The following SDK1 variants were observed in gnomAD, a reference collection of about 807,000 sequenced individuals.
SDK1 encodes protein sidekick-1.
SDK1 carries 157 observed loss-of-function variants against 245.5 expected under a neutral mutation model. The observed-to-expected ratio is 0.64, with a 90% CI of 0.56 to 0.73. The LOEUF is 0.73. SDK1 is among the 30% of genes least tolerant of loss of function. SDK1 has a pLI of 0.00. For synonymous variants in SDK1, 1,647 were observed against 1,278.5 expected (o/e 1.29, Z -6.15); for missense variants, 3,583 against 3,002.3 (o/e 1.19, Z -4.52).
chr7:3,443,358 G>A (rs764053194), intron 1 of SDK1, among the ~76,000 whole-genome samples: 2 of 152,130 alleles, frequency 1.3e-5, no homozygotes, highest in African/African-American at 4.8e-5. Flanking sequence ...CTTGCAAACC[G>A]TTTATGTCAA....
chr7:3,794,007 G>A (rs550080706), intron 4 of SDK1, among the ~76,000 whole-genome samples: 2 of 152,172 alleles, frequency 1.3e-5, no homozygotes, highest in Admixed American at 6.5e-5. Context: ...CCTAGTAGTC[G>A]GCTGCCCTCA....
At chr7:3,886,932 G>A (rs56711933) in intron 5 of SDK1, among the ~76,000 whole-genome samples, 1,748 of 152,252 alleles carry the variant, frequency 0.011, 27 homozygotes, top group African/African-American at 0.04. Context: ...CTTGGCTCTT[G>A]AAGTGCCAAG....
At chr7:3,368,575 C>T (rs1441699664) in intron 1 of SDK1, among the ~76,000 whole-genome samples, 1 of 152,148 alleles carries the variant, frequency 6.6e-6, no homozygotes, top group African/African-American at 2.4e-5. Flanking sequence ...AAAGGTGTAA[C>T]CTGTGAGGAC....
intron 35 of SDK1, among the ~76,000 whole-genome samples, chr7:4,204,619 G>A (rs1327980782): frequency 1.3e-5 from 2 of 152,152 alleles, no homozygotes; most frequent in African/African-American, 2.4e-5. Flanking sequence ...CATCTCCCTC[G>A]GACAGCGACT....
At position 3,824,755 on chromosome 7, in the gene SDK1, A is replaced by G. The variant is rs185065046; in HGVS notation, c.847+3172A>G. ...ACACCTGAAGCTTATGGGAAGCAAA[A>G]GATAGATAGGTTTTAGATTTAAATT... is the stretch of plus-strand genomic sequence containing the variant. On this transcript the variant is annotated intron_variant, in intron 5 of 44. Coordinates refer to ENST00000404826, the MANE Select transcript of SDK1 (RefSeq NM_152744.4). 4.8e-3 allele frequency among the ~76,000 whole-genome samples: 724 copies of G among 152,288 alleles called. 6 individuals are homozygous for G. The highest frequency in any genetic ancestry group is 0.016 in the African/African-American group (675 of 41,560).
chr7:3,672,081 C>T (rs1283814635), intron 4 of SDK1, among the ~76,000 whole-genome samples: 6 of 152,098 alleles, frequency 3.9e-5, no homozygotes, highest in Non-Finnish European at 8.8e-5. Flanking sequence ...GACACAGGGT[C>T]TCCTGAGGTC....
chr7:3,622,878 A>G (rs1339398213), intron 2 of SDK1, among the ~76,000 whole-genome samples: 1 of 152,168 alleles, frequency 6.6e-6, no homozygotes, highest in African/African-American at 2.4e-5. Flanking sequence ...ATGGGTTATC[A>G]GGAATCTATC....
chr7:4,153,137 C>T (rs1239538098), intron 30 of SDK1, among the ~76,000 whole-genome samples: 1 of 151,758 alleles, frequency 6.6e-6, no homozygotes, highest in Non-Finnish European at 1.5e-5. Flanking sequence ...TGCGGGGGTT[C>T]CAAACAGAAG....
At chr7:3,403,824 CATATATAT>C (rs10650660) in intron 1 of SDK1, among the ~76,000 whole-genome samples, 2,013 of 60,560 alleles carry the variant, frequency 0.033, 30 homozygotes, top group Non-Finnish European at 0.049. Flanking sequence ...AAATATCTTA[CATATATAT>C]ATATATATAT....
intron 4 of SDK1, among the ~76,000 whole-genome samples, chr7:3,817,191 G>A (rs756756110): frequency 2.0e-5 from 3 of 152,116 alleles, no homozygotes; most frequent in Non-Finnish European, 2.9e-5. Context: ...CAAGTTTTGG[G>A]AGCTCATCAT....
chr7:4,224,703 G>A (rs780695859), intron 40 of SDK1, among the ~76,000 whole-genome samples: 7 of 152,006 alleles, frequency 4.6e-5, no homozygotes, highest in East Asian at 1.9e-4. Context: ...CCATGGTGCC[G>A]AGAGCAGATT....
intron 1 of SDK1, among the ~76,000 whole-genome samples, chr7:3,560,815 C>T (rs570926757): frequency 3.3e-5 from 5 of 152,286 alleles, no homozygotes; most frequent in Admixed American, 2.6e-4. Flanking sequence ...CTTTCCTGTT[C>T]CTCCAACCTG....
chr7:4,266,872 CA>C lies in SDK1; in HGVS notation c.*1489del, dbSNP rs1044621714. On this transcript the variant is annotated 3_prime_UTR_variant, in exon 45 of 45. Transcript: ENST00000404826. ...TCAAGACCACCCTGTCAGTGCCCCC[CA>C]GTGCACGGCAAACGGGCAGGTGCCG... 17 of 985,518 alleles carry C rather than the reference CA, an allele frequency of 1.7e-5. No individual in the cohort carries two copies. Among genetic ancestry groups the C allele is most frequent in the Middle Eastern group, 5.2e-4 (1 of 1,916 alleles). 61.0% of individuals were successfully genotyped at this position (985,518 alleles called of 1,614,324 possible). A position where few individuals can be genotyped will look rare whatever the true frequency, so the allele number is the denominator to read the frequency against.
intron 4 of SDK1, among the ~76,000 whole-genome samples, chr7:3,771,653 T>C (rs1043467163): frequency 3.9e-5 from 6 of 152,180 alleles, no homozygotes; most frequent in African/African-American, 1.2e-4. Flanking sequence ...GAAATTGTTA[T>C]TTTTTTCCAG....
intron 1 of SDK1, among the ~76,000 whole-genome samples, chr7:3,448,674 T>C (rs547317096): frequency 2.6e-5 from 4 of 152,300 alleles, no homozygotes; most frequent in African/African-American, 9.6e-5. Flanking sequence ...TTTGTAGATA[T>C]CTAGCCACTT....
chr7:4,030,354 T>G (rs1305924951), intron 17 of SDK1, among the ~76,000 whole-genome samples: 1 of 152,240 alleles, frequency 6.6e-6, no homozygotes, highest in East Asian at 1.9e-4. Flanking sequence ...GGGCAGAAGT[T>G]GCTCAAAGAA....
rs375144205 is a variant in SDK1 at position 3,967,307 on chromosome 7, C to A, written c.1430-11C>A. 5 of 1,601,998 alleles carry A rather than the reference C, an allele frequency of 3.1e-6. 1 individual carries two copies. The South Asian group carries it at 5.5e-5, about 18-fold the overall frequency. On this transcript the variant is annotated splice_polypyrimidine_tract_variant and intron_variant, in intron 9 of 44. Coordinates refer to ENST00000404826, the MANE Select transcript of SDK1 (RefSeq NM_152744.4). The stretch of plus-strand genomic sequence containing the variant: ...CAAGGCCCTGATCATTTCATTTACT[C>A]CTCTTCTCAGATATCGCTCCAGTGT...
chr7:3,916,355 A>C (rs552494308), intron 5 of SDK1, among the ~76,000 whole-genome samples: 3 of 152,366 alleles, frequency 2.0e-5, no homozygotes, highest in African/African-American at 7.2e-5. Flanking sequence ...TGGGAACAAA[A>C]GGAAGGCAGT....
chr7:3,981,954 G>A (rs567973657), intron 13 of SDK1, among the ~76,000 whole-genome samples: 4 of 152,324 alleles, frequency 2.6e-5, no homozygotes, highest in East Asian at 1.9e-4. Context: ...CAGTGTAGAC[G>A]AAACAGCCTT....
Sources: allele counts gnomAD v4.1 joint callset (sites outside exome capture counted in the v4.1 genomes callset), GRCh38; gene constraint gnomAD v4.1.1; transcripts MANE v1.5; gene names NCBI Gene and HGNC (gene_info 2026-07-23, HGNC 2026-07-21).